The following JARID2 variants were observed in gnomAD, a reference collection of about 807,000 sequenced individuals.
JARID2 encodes protein Jumonji.
In JARID2, 21 loss-of-function variants were observed where a neutral mutation model predicts 125.6. The observed-to-expected ratio is 0.17, with a 90% confidence interval of 0.12 to 0.24. The LOEUF (loss-of-function observed/expected upper bound fraction) is 0.24. Among genes scored for constraint, JARID2 ranks in the 10% least tolerant of loss-of-function variants. The pLI is 1.00. For missense variants in JARID2, 1,303 were observed against 1,639.6 expected, an observed-to-expected ratio of 0.79 and a Z score of 3.55; for synonymous variants, 736 against 661.6, an observed-to-expected ratio of 1.11 and a Z score of -1.73.
At chr6:15,504,328 G>C (rs1347068169) in intron 8 of JARID2, among the ~76,000 whole-genome samples, 172 bp from the exon 9 acceptor site, 1 of 152,222 alleles carries the variant, frequency 6.6e-6, no homozygotes, top group Non-Finnish European at 1.5e-5. Flanking sequence ...TGGCACTGCG[G>C]GTTCTTAGAG....
At chr6:15,318,779 G>A (rs192366700) in intron 1 of JARID2, among the ~76,000 whole-genome samples, 3 of 152,206 alleles carry the variant, frequency 2.0e-5, no homozygotes, top group Non-Finnish European at 4.4e-5. Context: ...TTCCCGGATT[G>A]CTCAGGATGT....
Position 15,362,415 on chromosome 6 carries a change from T to C in JARID2, c.46-11702T>C, listed in dbSNP as rs1763830870. The stretch of plus-strand genomic sequence containing the variant: ...TGAGAATGGACTTTTTATTCTTGTC[T>C]CTTGAGAAAGGCAACTCTATTTACC... On this transcript the variant is annotated intron_variant, in intron 1 of 17. Transcript: ENST00000341776. Among the ~76,000 whole-genome samples the C allele has an allele frequency of 2.0e-5, 3 of 152,320 alleles. No homozygotes were observed. In the South Asian group the frequency reaches 6.2e-4, roughly 32 times the overall value.
At chr6:15,254,561 A>G (rs955259017) in intron 1 of JARID2, among the ~76,000 whole-genome samples, 26 of 152,166 alleles carry the variant, frequency 1.7e-4, no homozygotes, top group African/African-American at 6.0e-4. Context: ...GAGGAACCCT[A>G]CTGGTAGAAG....
At chr6:15,316,271 AT>A (rs554663504) in intron 1 of JARID2, among the ~76,000 whole-genome samples, 2 of 151,888 alleles carry the variant, frequency 1.3e-5, no homozygotes, top group South Asian at 4.1e-4. Flanking sequence ...AGGCACACGT[AT>A]TTTTAGTAGA....
At position 15,507,370 on chromosome 6, in the gene JARID2, C is replaced by T. The variant is rs754117807; in HGVS notation, c.2685C>T (p.Leu895=). The T allele has an allele frequency of 1.9e-5, 30 of 1,613,966 alleles. No homozygotes were observed. Among genetic ancestry groups the T allele is most frequent in the Non-Finnish European group, 2.5e-5 (30 of 1,179,968 alleles). The change falls in exon 11 of 18, where the codon CTC becomes CTT. Residue 895 remains leucine (L), a synonymous_variant. Transcript: ENST00000341776. ...FSRHGWNLTV[L]PNNTGSILRH... Reference sequence around the variant, plus strand: ...GGCATGGATGGAACCTCACCGTCCTCCCCAATAACACAGGGTCCATCCTGC... The same window carrying T: ...GGCATGGATGGAACCTCACCGTCCTTCCCAATAACACAGGGTCCATCCTGC...
chr6:15,475,321 T>C (rs1021945694), intron 5 of JARID2, among the ~76,000 whole-genome samples: 8 of 152,222 alleles, frequency 5.3e-5, no homozygotes, highest in Non-Finnish European at 1.2e-4. Flanking sequence ...CTTGGAGCTC[T>C]GCAGGTGCAG....
At position 15,368,560 on chromosome 6, in the gene JARID2, G is replaced by C. The variant is rs188600802; in HGVS notation, c.46-5557G>C. 3.7e-5 allele frequency: 13 copies of C among 355,414 alleles called. No homozygotes were observed. In the Admixed American group the frequency reaches 4.7e-4, roughly 13 times the overall value. The allele number at this position is 355,414 out of a possible 1,614,324, so 22.0% of individuals were successfully genotyped here. A position where few individuals can be genotyped will look rare whatever the true frequency, so the allele number is the denominator to read the frequency against. On this transcript the variant is annotated intron_variant, in intron 1 of 17. Coordinates refer to ENST00000341776, the MANE Select transcript of JARID2 (RefSeq NM_004973.4). ...AATGTATATTTAATTCTGGTTGTTG[G>C]GTTTTAAAGAGAAGTCATCCCAAGT...
chr6:15,340,196 T>A (rs1048661978), intron 1 of JARID2, among the ~76,000 whole-genome samples: 1 of 152,200 alleles, frequency 6.6e-6, no homozygotes, highest in Non-Finnish European at 1.5e-5. Context: ...TATAAAGTTA[T>A]TAAAGAACAA....
chr6:15,469,127 A>C (rs1768893179), intron 5 of JARID2, among the ~76,000 whole-genome samples: 1 of 151,938 alleles, frequency 6.6e-6, no homozygotes, highest in African/African-American at 2.4e-5. Context: ...TACATTCTGA[A>C]GTGGACTGAT....
At chr6:15,396,501 C>T (rs1185774232) in intron 2 of JARID2, among the ~76,000 whole-genome samples, 1 of 152,136 alleles carries the variant, frequency 6.6e-6, no homozygotes, top group East Asian at 1.9e-4. Flanking sequence ...ATGTAGAATA[C>T]AGTAGTCCGC....
intron 4 of JARID2, among the ~76,000 whole-genome samples, chr6:15,458,646 A>C (rs1768303659): frequency 6.6e-6 from 1 of 152,224 alleles, no homozygotes; most frequent in Non-Finnish European, 1.5e-5. Context: ...GAAATTGAGG[A>C]TATAACAATA....
chr6:15,377,879 T>C (rs1301509105), intron 2 of JARID2, among the ~76,000 whole-genome samples: 1 of 129,016 alleles, frequency 7.8e-6, no homozygotes, highest in African/African-American at 2.8e-5. Flanking sequence ...TTCAATTTTT[T>C]TTCTTCTTCT....
chr6:15,337,169 C>T lies in JARID2; in HGVS notation c.46-36948C>T, dbSNP rs564777265. On this transcript the variant is annotated intron_variant, in intron 1 of 17. Transcript: ENST00000341776. Reference sequence around the variant, plus strand: ...ATGCAGTTTTAAACCACCCTAACTGCCGATCAAAACCCCCAGACCTTGTCT... The same window carrying T: ...ATGCAGTTTTAAACCACCCTAACTGTCGATCAAAACCCCCAGACCTTGTCT... 1.9e-3 allele frequency among the ~76,000 whole-genome samples: 290 copies of T among 152,270 alleles called. 2 individuals are homozygous for T. The highest frequency in any genetic ancestry group is 6.6e-3 in the African/African-American group (273 of 41,538).
intron 3 of JARID2, among the ~76,000 whole-genome samples, chr6:15,451,413 G>T (rs1224513290): frequency 6.6e-6 from 1 of 152,176 alleles, no homozygotes; most frequent in Non-Finnish European, 1.5e-5. Context: ...ATTGGAGGGG[G>T]CGTAGATAGA....
In JARID2 at chr6:15,450,740, G is replaced by T. The variant is rs1767884560; in HGVS notation, c.324-1266G>T. On this transcript the variant is annotated intron_variant, in intron 3 of 17. Coordinates refer to ENST00000341776, the MANE Select transcript of JARID2 (RefSeq NM_004973.4). ...AGACCTTTACGATTAGAGGAGGAGG[G>T]ACTATTAGGCAATTGACGATACATA... Among the ~76,000 whole-genome samples, 3 of 152,210 alleles carry T rather than the reference G, an allele frequency of 2.0e-5. No homozygotes were observed. In the South Asian group the frequency reaches 6.2e-4, roughly 31 times the overall value.
At chr6:15,304,431 C>A (rs531246736) in intron 1 of JARID2, among the ~76,000 whole-genome samples, 61 of 151,612 alleles carry the variant, frequency 4.0e-4, no homozygotes, top group Admixed American at 2.0e-4. Flanking sequence ...TTCTAAGCCT[C>A]CAGGCCACCT....
chr6:15,272,475 C>T (rs1301572808), intron 1 of JARID2, among the ~76,000 whole-genome samples: 2 of 152,184 alleles, frequency 1.3e-5, no homozygotes, highest in Non-Finnish European at 2.9e-5. Context: ...ATAATAGCTA[C>T]CATTGATTGA....
At chr6:15,471,732 T>C (rs1769086939) in intron 5 of JARID2, among the ~76,000 whole-genome samples, 1 of 152,146 alleles carries the variant, frequency 6.6e-6, no homozygotes, top group African/African-American at 2.4e-5. Context: ...GCATGGATCT[T>C]AGGTATGTGC....
At chr6:15,323,865 G>A (rs1762439467) in intron 1 of JARID2, among the ~76,000 whole-genome samples, 1 of 152,054 alleles carries the variant, frequency 6.6e-6, no homozygotes, top group African/African-American at 2.4e-5. Flanking sequence ...ACTCCAGCCT[G>A]GGTGACAGAG....
Sources: allele counts gnomAD v4.1 joint callset (sites outside exome capture counted in the v4.1 genomes callset), GRCh38; gene constraint gnomAD v4.1.1; transcripts MANE v1.5; gene names NCBI Gene and HGNC (gene_info 2026-07-23, HGNC 2026-07-21).